The following COPS9 variants were observed in gnomAD, a reference collection of about 807,000 sequenced individuals.
The protein encoded by COPS9 is COP9 signalosome subunit 9, also known as COP9 signalosome complex subunit 9.
A neutral mutation model predicts 7.2 loss-of-function variants in COPS9; 8 were observed. That is an observed-to-expected ratio of 1.11 (90% CI 0.65 to 2.00). The LOEUF is 2.00. Ranked by LOEUF, COPS9 falls within the 30% of genes most tolerant of loss-of-function variation. The pLI, the probability that COPS9 is intolerant of heterozygous loss-of-function variation, is 0.00. For synonymous variants in COPS9, 39 were observed against 28.7 expected (o/e 1.36, Z -1.14); for missense variants, 74 against 77.7 (o/e 0.95, Z 0.18).
Position 240,136,220 on chromosome 2 carries a change from A to G in COPS9, c.63+2T>C. The G allele has an allele frequency of 6.5e-7, 1 of 1,526,880 alleles. No homozygotes were observed. The allele number at this position is 1,526,880 out of a possible 1,614,324, so 94.6% of individuals were successfully genotyped here. A position where few individuals can be genotyped will look rare whatever the true frequency, so the allele number is the denominator to read the frequency against. ...CGGAGACTCCCGCCGGGCCCGTGCC[A>G]CCTCGTCCAGGTCCACGTAGGGCCC... is the stretch of plus-strand genomic sequence containing the variant. On this transcript the variant is annotated splice_donor_variant, in intron 1 of 2. Coordinates refer to ENST00000607357, the MANE Select transcript of COPS9 (RefSeq NM_001163424.2). LOFTEE classifies it high-confidence loss of function.
At chr2:240,135,195 T>C (rs2071963181) in intron 1 of COPS9, among the ~76,000 whole-genome samples, 1 of 152,120 alleles carries the variant, frequency 6.6e-6, no homozygotes, top group Non-Finnish European at 1.5e-5. Context: ...TTCCCTTCCC[T>C]TGGTGAGCCA....
At position 240,132,340 on chromosome 2, in the gene COPS9, C is replaced by T. The variant is rs1020623807; in HGVS notation, c.137-1252G>A. Among the ~76,000 whole-genome samples, 1 of 152,166 alleles carries T rather than the reference C, an allele frequency of 6.6e-6. No homozygotes were observed. Among genetic ancestry groups the T allele is most frequent in the South Asian group, 2.1e-4 (1 of 4,830 alleles). ...ACGAGTAAAAAGGACTTAGCAAAAG[C>T]CTCATCCACAGCCCACAGAGGTCTC... On this transcript the variant is annotated intron_variant, in intron 2 of 2. Coordinates refer to ENST00000607357, the MANE Select transcript of COPS9 (RefSeq NM_001163424.2). This position sits in a 1 kb window ranked among gnomAD's most constrained non-coding sequence, Gnocchi z 4.1.
chr2:240,136,274 G>A lies in COPS9; in HGVS notation c.11C>T (p.Ala4Val), dbSNP rs774670362. Residue 4 changes from alanine (A) to valine (V), a missense_variant, in exon 1 of 3, where the codon GCG (alanine) becomes GTG (valine). Coordinates refer to ENST00000607357, the MANE Select transcript of COPS9 (RefSeq NM_001163424.2). MKP[A>V]VDEMFPEGAG... Reference sequence around the variant, plus strand: ...GCCCTCGGGGAACATCTCGTCCACCGCCGGCTTCATCTCGGGGCCGCGGCG... The same window carrying A: ...GCCCTCGGGGAACATCTCGTCCACCACCGGCTTCATCTCGGGGCCGCGGCG... The A allele has an allele frequency of 6.4e-7, 1 of 1,570,046 alleles. No homozygotes were observed. Among genetic ancestry groups the A allele is most frequent in the Admixed American group, 1.8e-5 (1 of 55,146 alleles).
downstream of COPS9, chr2:240,129,792 G>A (rs368254264): frequency 3.5e-5 from 28 of 800,034 alleles, 1 homozygote; most frequent in East Asian, 1.6e-4. Flanking sequence ...CGACGTGCAC[G>A]CCTGGCCGCT....
chr2:240,134,079 A>G (rs12621732), intron 1 of COPS9, 74 bp from the exon 2 acceptor site: 19,171 of 1,352,798 alleles, frequency 0.014, 280 homozygotes, highest in East Asian at 0.07. Flanking sequence ...TTGCAGGGCC[A>G]CTACCCCCAC....
chr2:240,133,568 G>A lies in COPS9; in HGVS notation c.136+365C>T, dbSNP rs112995611. On this transcript the variant is annotated intron_variant, in intron 2 of 2. Transcript: ENST00000607357. The stretch of plus-strand genomic sequence containing the variant: ...GGAGAGGAAAGGAAACCGGCTACCC[G>A]GAGAGGGCGGAGACAGGGAGACAGA... Among the ~76,000 whole-genome samples, 185 of 152,362 alleles carry A rather than the reference G, an allele frequency of 1.2e-3. 1 individual carries two copies. Among genetic ancestry groups the A allele is most frequent in the African/African-American group, 4.2e-3 (173 of 41,594 alleles).
At chr2:240,129,588 G>A (rs1053938443), downstream of COPS9, among the ~76,000 whole-genome samples, 9 of 152,184 alleles carry the variant, frequency 5.9e-5, no homozygotes, top group South Asian at 2.1e-4. Context: ...GTGGGACTGC[G>A]ATAAACCTCA....
chr2:240,127,902 C>T (rs973172351), downstream of COPS9, among the ~76,000 whole-genome samples: 2 of 152,112 alleles, frequency 1.3e-5, no homozygotes, highest in Non-Finnish European at 2.9e-5. Flanking sequence ...TTCACTGCCC[C>T]CCAAGTGACA....
downstream of COPS9, chr2:240,130,171 A>G (rs2071907112): frequency 1.5e-6 from 1 of 650,364 alleles, no homozygotes; most frequent in Admixed American, 2.9e-5. Flanking sequence ...TCTTCTGTAA[A>G]CATGACAAGG....
intron 1 of COPS9, among the ~76,000 whole-genome samples, chr2:240,134,841 T>C (rs1227387178): frequency 1.4e-4 from 22 of 152,136 alleles, no homozygotes; most frequent in Admixed American, 1.4e-3. Context: ...CCTACCTCCA[T>C]CTGCCTCATT....
At chr2:240,129,778 C>CAG (rs2071901933), downstream of COPS9, 1 of 685,564 alleles carries the variant, frequency 1.5e-6, no homozygotes, top group Non-Finnish European at 2.5e-6. Flanking sequence ...TCTCCAAGTG[C>CAG]AGACGACGTG....
chr2:240,126,940 T>A (rs765000256), downstream of COPS9: 22 of 1,609,572 alleles, frequency 1.4e-5, no homozygotes, highest in Admixed American at 1.7e-4. Flanking sequence ...AGTTCACATC[T>A]CTGGGGAGAG....
At chr2:240,128,546 G>A (rs552607071), downstream of COPS9, among the ~76,000 whole-genome samples, 7 of 152,286 alleles carry the variant, frequency 4.6e-5, no homozygotes, top group Non-Finnish European at 1.0e-4. Context: ...TTATCTGGCC[G>A]GCAGCTGAGC....
chr2:240,128,853 G>A (rs2071892752), downstream of COPS9, among the ~76,000 whole-genome samples: 1 of 152,214 alleles, frequency 6.6e-6, no homozygotes, highest in Non-Finnish European at 1.5e-5. Flanking sequence ...TGAAGAAGCT[G>A]CAAGGATTCT....
At chr2:240,129,982 C>G (rs145516582), downstream of COPS9, 3 of 1,613,950 alleles carry the variant, frequency 1.9e-6, no homozygotes, top group African/African-American at 4.0e-5. Flanking sequence ...CGCTGCAGTG[C>G]GGGAACCATG....
chr2:240,134,089 C>G, intron 1 of COPS9, 84 bp from the exon 2 acceptor site: 1 of 1,273,960 alleles, frequency 7.8e-7, no homozygotes, highest in Non-Finnish European at 1.1e-6. Context: ...ACTACCCCCA[C>G]AAAAAAAGAA....
chr2:240,126,768 C>T (rs1427735107), downstream of COPS9: 3 of 1,614,206 alleles, frequency 1.9e-6, no homozygotes, highest in South Asian at 2.2e-5. Flanking sequence ...CTTCCGTAAA[C>T]TGTTTCTTAA....
At chr2:240,126,789 C>T (rs767562839), downstream of COPS9, 3 of 1,614,216 alleles carry the variant, frequency 1.9e-6, no homozygotes, top group Non-Finnish European at 2.5e-6. Context: ...GCGTCCTGTG[C>T]CCATTTTCCC....
At chr2:240,129,413 G>A (rs1396683748), downstream of COPS9, among the ~76,000 whole-genome samples, 5 of 151,988 alleles carry the variant, frequency 3.3e-5, no homozygotes, top group African/African-American at 4.8e-5. Context: ...TGACCCTCCC[G>A]CCTCACCCTC....
Sources: gnomAD v4.1 joint callset for allele counts (sites outside exome capture counted in the v4.1 genomes callset) on GRCh38, gnomAD v4.1.1 for gene constraint, Gnocchi (gnomAD v3.1) non-coding constraint, MANE v1.5 for transcripts, NCBI Gene and HGNC (gene_info 2026-07-23, HGNC 2026-07-21) for gene names.